Variants in MME observed in about 807,000 individuals in gnomAD.
MME encodes neprilysin.
MME carries 98 observed loss-of-function variants against 113.2 expected under a neutral mutation model. The observed-to-expected ratio is 0.87, with a 90% CI of 0.74 to 1.02. MME has a LOEUF of 1.02. MME is among the 50% of genes least tolerant of loss of function. The probability of loss-of-function intolerance (pLI) is 0.00; values close to 1 mark genes in which losing one functional copy is unlikely to be tolerated. For synonymous variants in MME, 292 were observed against 300.6 expected (o/e 0.97, Z 0.30); for missense variants, 836 against 896.0 (o/e 0.93, Z 0.86).
chr3:155,143,109 C>T (rs1339761593), intron 12 of MME, among the ~76,000 whole-genome samples: 1 of 152,062 alleles, frequency 6.6e-6, no homozygotes, highest in African/African-American at 2.4e-5. Flanking sequence ...TACCATATTT[C>T]CCCCATTACA....
chr3:155,092,613 A>G (rs1716389245), intron 3 of MME, among the ~76,000 whole-genome samples: 1 of 152,210 alleles, frequency 6.6e-6, no homozygotes, highest in Non-Finnish European at 1.5e-5. Flanking sequence ...CCAAATATGT[A>G]TTAACAGGTG....
chr3:155,043,287 T>C (rs1471823331), intron 1 of MME, among the ~76,000 whole-genome samples: 2 of 151,644 alleles, frequency 1.3e-5, no homozygotes. Context: ...TTTTCCAAAC[T>C]TCTAGCAAAT....
At chr3:155,151,128 G>A (rs1021934125) in intron 16 of MME, among the ~76,000 whole-genome samples, 2 of 152,046 alleles carry the variant, frequency 1.3e-5, no homozygotes, top group Admixed American at 6.5e-5. Flanking sequence ...TTTTTGTGGA[G>A]CACCAAGTTC....
chr3:155,039,410 G>T (rs7632185), intron 1 of MME, among the ~76,000 whole-genome samples: 8,072 of 152,182 alleles, frequency 0.053, 621 homozygotes, highest in African/African-American at 0.17. Context: ...GTAGAATTGC[G>T]CAGTGGCAGC....
chr3:155,174,988 C>T (rs1033866950), intron 22 of MME, among the ~76,000 whole-genome samples: 2 of 151,898 alleles, frequency 1.3e-5, no homozygotes, highest in Non-Finnish European at 2.9e-5. Context: ...TGAGAGGTTG[C>T]AAATTAAGTT....
At chr3:155,117,092 T>A in intron 7 of MME, 106 bp downstream of exon 7, 1 of 760,620 alleles carries the variant, frequency 1.3e-6, no homozygotes. Flanking sequence ...TCAATTGAAT[T>A]GAATAAGCAA....
At chr3:155,172,259 A>C (rs201181855) in intron 21 of MME, 47 bp downstream of exon 21, 11 of 1,296,354 alleles carry the variant, frequency 8.5e-6, no homozygotes, top group Middle Eastern at 1.8e-4. Flanking sequence ...ATTTTGAGTT[A>C]TAATTTCACA....
intron 16 of MME, among the ~76,000 whole-genome samples, chr3:155,155,029 G>A (rs778865145): frequency 2.6e-5 from 4 of 152,094 alleles, no homozygotes; most frequent in Non-Finnish European, 4.4e-5. Flanking sequence ...AGATTTTTAC[G>A]TTTTATGCTT....
intron 14 of MME, among the ~76,000 whole-genome samples, chr3:155,145,065 C>T (rs1315491497): frequency 6.6e-6 from 1 of 152,128 alleles, no homozygotes; most frequent in African/African-American, 2.4e-5. Context: ...CAACCTTGGT[C>T]TAGTTTTCTT....
chr3:155,114,215 G>A (rs1446854032), intron 3 of MME, among the ~76,000 whole-genome samples: 3 of 152,094 alleles, frequency 2.0e-5, no homozygotes, highest in Non-Finnish European at 4.4e-5. Context: ...TCTGTTCCGG[G>A]TATAGACATT....
intron 3 of MME, among the ~76,000 whole-genome samples, chr3:155,089,003 C>G (rs1346810437): frequency 1.3e-5 from 2 of 152,114 alleles, no homozygotes; most frequent in Non-Finnish European, 2.9e-5. Context: ...AAGGCTGTTT[C>G]AAATCTGTTT....
chr3:155,128,262 T>A (rs1719847510), intron 8 of MME, among the ~76,000 whole-genome samples: 1 of 152,190 alleles, frequency 6.6e-6, no homozygotes. Context: ...ACAGTAAGAA[T>A]TCCAATGTTA....
chr3:155,038,570 A>G (rs1713204141), intron 1 of MME, among the ~76,000 whole-genome samples: 1 of 152,210 alleles, frequency 6.6e-6, no homozygotes, highest in African/African-American at 2.4e-5. Context: ...AAATGAAATT[A>G]GAACTCACTC....
At chr3:155,178,973 T>A (rs926220981) in intron 22 of MME, among the ~76,000 whole-genome samples, 3 of 152,114 alleles carry the variant, frequency 2.0e-5, no homozygotes, top group African/African-American at 4.8e-5. Context: ...AGTGGGTGTG[T>A]CAGGAAGTAA....
At chr3:155,041,450 A>T (rs553666602) in intron 1 of MME, among the ~76,000 whole-genome samples, 1 of 152,344 alleles carries the variant, frequency 6.6e-6, no homozygotes, top group African/African-American at 2.4e-5. Context: ...ATTAACAAAG[A>T]AAAGAAAGCT....
At position 155,058,648 on chromosome 3, in the gene MME, ATAAG is replaced by A. The variant is rs371812020; in HGVS notation, c.-10-25506_-10-25503del. On this transcript the variant is annotated intron_variant, in intron 1 of 22. Transcript: ENST00000492661. ...AACATTGGAATTGAATGTATAATAA[ATAAG>A]TAAATAAGTTGAGAAAACCATAAAC... is the stretch of plus-strand genomic sequence containing the variant. 4.5e-4 allele frequency among the ~76,000 whole-genome samples: 68 copies of A among 152,336 alleles called. 1 individual carries two copies. The East Asian group carries it at 0.012, about 26-fold the overall frequency.
intron 1 of MME, among the ~76,000 whole-genome samples, chr3:155,060,870 A>C (rs1334053249): frequency 6.6e-6 from 1 of 151,808 alleles, no homozygotes; most frequent in Non-Finnish European, 1.5e-5. Flanking sequence ...TGAGAGAGAG[A>C]GAGCACTTTT....
At position 155,168,809 on chromosome 3, in the gene MME, A is replaced by G. The variant is rs1711596851; in HGVS notation, c.1980+12A>G. 6.2e-7 allele frequency: 1 copy of G among 1,602,842 alleles called. No individual in the cohort carries two copies. Among genetic ancestry groups the G allele is most frequent in the South Asian group, 1.1e-5 (1 of 90,638 alleles). ...GTCAAGCATACAGAGTAAGTAAAAA[A>G]GATTTTCTTTCCATTTTAGTGATTT... On this transcript the variant is annotated intron_variant, in intron 20 of 22. Transcript: ENST00000360490.
At chr3:155,093,287 T>C (rs1716444923) in intron 3 of MME, among the ~76,000 whole-genome samples, 1 of 152,154 alleles carries the variant, frequency 6.6e-6, no homozygotes, top group African/African-American at 2.4e-5. Context: ...TTAATTATAT[T>C]AGCAATATAT....
Sources: gnomAD v4.1 joint callset for allele counts (sites outside exome capture counted in the v4.1 genomes callset) on GRCh38, gnomAD v4.1.1 for gene constraint, MANE v1.5 for transcripts, NCBI Gene and HGNC (gene_info 2026-07-23, HGNC 2026-07-21) for gene names.